DGKA: variants seen among roughly 807,000 people sequenced by gnomAD.
The protein encoded by DGKA is 80 kDa diacylglycerol kinase.
DGKA carries 35 observed loss-of-function variants against 105.0 expected under a neutral mutation model. The ratio of observed to expected loss-of-function variants is 0.33; its 90% CI spans 0.25 to 0.44. The LOEUF (loss-of-function observed/expected upper bound fraction) is 0.44, where lower values mean the gene tolerates loss of function less well. Ranked by LOEUF, DGKA falls within the 20% of genes least tolerant of loss-of-function variation. The probability of loss-of-function intolerance (pLI) is 1.00; values close to 1 mark genes in which losing one functional copy is unlikely to be tolerated. For synonymous variants in DGKA, 296 were observed against 332.0 expected (o/e 0.89, Z 1.18); for missense variants, 665 against 915.0 (o/e 0.73, Z 3.53).
At chr12:55,946,984 C>CTTTTT (rs1233832786) in intron 17 of DGKA, among the ~76,000 whole-genome samples, 28 of 127,864 alleles carry the variant, frequency 2.2e-4, no homozygotes, top group African/African-American at 5.7e-4. Context: ...TCCTTTCTTT[C>CTTTTT]TTTTTTTTTT....
chr12:55,927,863 T>G (rs1264563672), upstream of DGKA: 1 of 1,444,576 alleles, frequency 6.9e-7, no homozygotes, highest in Non-Finnish European at 9.3e-7. Flanking sequence ...AGGGCCCTAG[T>G]TGCTTCTCGC....
At chr12:55,934,015 G>C (rs1884165067) in intron 1 of DGKA, among the ~76,000 whole-genome samples, 1 of 152,194 alleles carries the variant, frequency 6.6e-6, no homozygotes, top group African/African-American at 2.4e-5. Flanking sequence ...CTGAGGCTCA[G>C]GGAGATGAAA....
chr12:55,934,695 ATATT>A (rs1169610156), intron 1 of DGKA, among the ~76,000 whole-genome samples: 1 of 152,174 alleles, frequency 6.6e-6, no homozygotes, highest in Non-Finnish European at 1.5e-5. Context: ...TATTTAACAA[ATATT>A]TATTTAGCAC....
chr12:55,936,110 T>A (rs1462634063), intron 1 of DGKA: 1 of 876,384 alleles, frequency 1.1e-6, no homozygotes, highest in Non-Finnish European at 1.4e-6. Flanking sequence ...ATATATAGAC[T>A]GAGAAAGCCG....
chr12:55,932,112 C>T lies in DGKA; in HGVS notation c.-82+768C>T, dbSNP rs1237929737. ...GGCGCTTCAGCTGCGACCGCGAGCC[C>T]TCTCAAGCAAGGTAGAGACCCCGCG... On this transcript the variant is annotated intron_variant, in intron 1 of 23. Coordinates refer to ENST00000331886, the MANE Select transcript of DGKA (RefSeq NM_001345.5). The surrounding 1 kb of genome is among the most constrained non-coding windows in gnomAD (Gnocchi z 4.3). The T allele has an allele frequency of 1.2e-5, 2 of 173,302 alleles. No individual in the cohort carries two copies. The highest frequency in any genetic ancestry group is 2.5e-5 in the Non-Finnish European group (2 of 79,284). The allele number at this position is 173,302 out of a possible 1,614,324, so 10.7% of individuals were successfully genotyped here.
rs1323185513 is a variant in DGKA at position 55,952,434 on chromosome 12, G to A, written c.1743+3G>A. 4 of 1,613,832 alleles carry A rather than the reference G, an allele frequency of 2.5e-6. No individual in the cohort carries two copies. The highest frequency in any genetic ancestry group is 3.4e-6 in the Non-Finnish European group (4 of 1,179,736). On this transcript the variant is annotated splice_donor_region_variant and intron_variant, in intron 20 of 23. Transcript: ENST00000331886. This position sits in a 1 kb window ranked among gnomAD's most constrained non-coding sequence, Gnocchi z 5.1. ...TGGAGGAGTCTTTGACAGTTGAGGT[G>A]TGTGTAATAAGACTTAACCCTACAT...
upstream of DGKA, chr12:55,927,789 G>A: frequency 6.5e-6 from 10 of 1,536,920 alleles, no homozygotes; most frequent in Non-Finnish European, 7.9e-6. Context: ...ACCAGGTTGG[G>A]CGGGCGGCCC....
At position 55,940,519 on chromosome 12, in the gene DGKA, G is replaced by A; in HGVS notation, c.918+86G>A. On this transcript the variant is annotated intron_variant, in intron 11 of 23. Transcript: ENST00000331886. The surrounding 1 kb of genome is among the most constrained non-coding windows in gnomAD (Gnocchi z 4.3). Reference sequence around the variant, plus strand: ...GGCCTCCGGCCACACCTCCTTTACAGGCACAGTTGCCCCTGCTCCCAAGGG... The same window carrying A: ...GGCCTCCGGCCACACCTCCTTTACAAGCACAGTTGCCCCTGCTCCCAAGGG... The A allele has an allele frequency of 6.3e-7, 1 of 1,584,066 alleles. No homozygotes were observed. Among genetic ancestry groups the A allele is most frequent in the Non-Finnish European group, 8.6e-7 (1 of 1,164,908 alleles).
At position 55,931,297 on chromosome 12, in the gene DGKA, T is replaced by A. The variant is rs1883592045; in HGVS notation, c.-129T>A. On this transcript the variant is annotated 5_prime_UTR_variant, in exon 1 of 24. Coordinates refer to ENST00000331886, the MANE Select transcript of DGKA (RefSeq NM_001345.5). ...AGGGGAAGCTGAAAGGACCTTTCAC[T>A]CCCTACTTTTGGCCAGGGCCTTCTG... The A allele has an allele frequency of 6.6e-6, 1 of 152,070 alleles. No individual in the cohort carries two copies. The highest frequency in any genetic ancestry group is 6.6e-5 in the Admixed American group (1 of 15,244). 9.4% of individuals were successfully genotyped at this position (152,070 alleles called of 1,614,324 possible).
At chr12:55,951,808 A>C in intron 18 of DGKA, 25 bp downstream of exon 18, 1 of 1,606,578 alleles carries the variant, frequency 6.2e-7, no homozygotes, top group African/African-American at 1.3e-5. Context: ...GCCTGGGGAG[A>C]AGGGAGAAAG....
chr12:55,927,413 T>C, upstream of DGKA: 1 of 710,916 alleles, frequency 1.4e-6, no homozygotes, highest in Non-Finnish European at 2.5e-6. Context: ...TCCTCGTACG[T>C]CCAGGACCTG....
chr12:55,939,702 A>T, intron 9 of DGKA, 173 bp downstream of exon 9: 2 of 651,060 alleles, frequency 3.1e-6, no homozygotes, highest in South Asian at 3.9e-5. Context: ...TCCTCAACTG[A>T]AAATGAGGTA....
chr12:55,935,086 A>T (rs1378677899), intron 1 of DGKA, among the ~76,000 whole-genome samples: 1 of 152,240 alleles, frequency 6.6e-6, no homozygotes, highest in Non-Finnish European at 1.5e-5. Context: ...CTGCCTTAGG[A>T]AATCCAAGCT....
At chr12:55,938,774 A>T (rs2136317844) in intron 6 of DGKA, 141 bp from the exon 7 acceptor site, 1 of 1,531,892 alleles carries the variant, frequency 6.5e-7, no homozygotes, top group South Asian at 1.2e-5. Context: ...ACATACAAAC[A>T]CATTTATTTA....
Position 55,952,468 on chromosome 12 carries a change from G to C in DGKA, c.1743+37G>C, listed in dbSNP as rs1174240608. The C allele has an allele frequency of 6.3e-7, 1 of 1,594,694 alleles. No homozygotes were observed. Among genetic ancestry groups the C allele is most frequent in the African/African-American group, 1.3e-5 (1 of 74,528 alleles). ...AAGACTTAACCCTACATCCTTTTCAGCTTCTTAATAGCCAAGTTTCTCCCT... is the reference window on the plus strand; with the variant it reads ...AAGACTTAACCCTACATCCTTTTCACCTTCTTAATAGCCAAGTTTCTCCCT... On this transcript the variant is annotated intron_variant, in intron 20 of 23. Transcript: ENST00000331886. This position sits in a 1 kb window ranked among gnomAD's most constrained non-coding sequence, Gnocchi z 5.1.
At chr12:55,948,555 T>G (rs1170365919) in intron 17 of DGKA, among the ~76,000 whole-genome samples, 1 of 149,396 alleles carries the variant, frequency 6.7e-6, no homozygotes, top group Non-Finnish European at 1.5e-5. Flanking sequence ...CAGTGAGACC[T>G]CATCTCTATG....
chr12:55,936,303 C>A, intron 1 of DGKA, 120 bp from the exon 2 acceptor site: 1 of 1,142,850 alleles, frequency 8.8e-7, no homozygotes, highest in Non-Finnish European at 1.2e-6. Flanking sequence ...TAGGGAGGGA[C>A]TAGGAGAGAA....
intron 17 of DGKA, among the ~76,000 whole-genome samples, chr12:55,949,878 T>C (rs1887795288): frequency 6.6e-6 from 1 of 152,136 alleles, no homozygotes; most frequent in Non-Finnish European, 1.5e-5. Flanking sequence ...AGTACAGTGG[T>C]GAGCTCACAG....
intron 17 of DGKA, among the ~76,000 whole-genome samples, chr12:55,946,155 T>C (rs1394752729): frequency 1.3e-5 from 2 of 150,556 alleles, no homozygotes; most frequent in African/African-American, 4.9e-5. Flanking sequence ...CACAGTTTCT[T>C]TTTTTCTTTC....
Sources: allele counts gnomAD v4.1 joint callset (sites outside exome capture counted in the v4.1 genomes callset), GRCh38; gene constraint gnomAD v4.1.1; non-coding constraint Gnocchi (gnomAD v3.1); transcripts MANE v1.5; gene names NCBI Gene and HGNC (gene_info 2026-07-23, HGNC 2026-07-21).